The following WWC2 variants were observed in gnomAD, a reference collection of about 807,000 sequenced individuals.
The protein encoded by WWC2 is protein WWC2.
WWC2 carries 101 observed loss-of-function variants against 138.5 expected under a neutral mutation model. The observed-to-expected ratio is 0.73, with a 90% confidence interval of 0.62 to 0.86. The LOEUF (loss-of-function observed/expected upper bound fraction) is 0.86. Among genes scored for constraint, WWC2 ranks in the 40% least tolerant of loss-of-function variants. WWC2 has a pLI of 0.00. For synonymous variants in WWC2, 558 were observed against 538.4 expected (o/e 1.04, Z -0.50); for missense variants, 1,420 against 1,419.4 (o/e 1.00, Z -0.01).
chr4:183,127,318 A>G (rs920318303), intron 1 of WWC2, among the ~76,000 whole-genome samples: 5 of 152,244 alleles, frequency 3.3e-5, no homozygotes, highest in Non-Finnish European at 7.3e-5. Context: ...ATTAATAAAA[A>G]TTCATGTTCA....
At position 183,285,996 on chromosome 4, in the gene WWC2, C is replaced by G. The variant is rs149012864; in HGVS notation, c.3078C>G (p.Thr1026=). 1 of 1,595,108 alleles carries G rather than the reference C, an allele frequency of 6.3e-7. No homozygotes were observed. The highest frequency in any genetic ancestry group is 8.5e-7 in the Non-Finnish European group (1 of 1,169,710). ...ATCGGAGTGACAGTGACAGTTCAAC[C>G]CTGGCTAAAAAATCACTGTTTGTGA... ...RLNRSDSDSS[T]LAKKSLFVRN... Residue 1026 remains threonine (T), a synonymous_variant, in exon 20 of 23, where the codon ACC becomes ACG. Coordinates refer to ENST00000403733, the MANE Select transcript of WWC2 (RefSeq NM_024949.6).
intron 21 of WWC2, among the ~76,000 whole-genome samples, chr4:183,311,492 G>T (rs1296226448): frequency 6.6e-6 from 1 of 152,086 alleles, no homozygotes; most frequent in African/African-American, 2.4e-5. Context: ...GGGAAGGGCA[G>T]GAGTGTTCTC....
chr4:183,319,660 C>G lies in WWC2; in HGVS notation c.*3931C>G. ...GCTAGGGGAGCGTGGCTGGAGCAGG[C>G]TGCACAGTGGAGCAGACACCCTCCT... is the stretch of plus-strand genomic sequence containing the variant. On this transcript the variant is annotated 3_prime_UTR_variant, in exon 23 of 23. Transcript: ENST00000403733. 4 of 1,614,148 alleles carry G rather than the reference C, an allele frequency of 2.5e-6. No homozygotes were observed. The highest frequency in any genetic ancestry group is 3.4e-6 in the Non-Finnish European group (4 of 1,180,036).
In WWC2 at chr4:183,317,001, G is replaced by A. The variant is rs1739461357; in HGVS notation, c.*1272G>A. ...CTTCTTAAAAACACAGATCCTCAGTGCAGCTCTGCCAGCATCAAGGCTTTT... is the reference window on the plus strand; with the variant it reads ...CTTCTTAAAAACACAGATCCTCAGTACAGCTCTGCCAGCATCAAGGCTTTT... On this transcript the variant is annotated 3_prime_UTR_variant, in exon 23 of 23. Transcript: ENST00000403733. 1 of 152,120 alleles carries A rather than the reference G, an allele frequency of 6.6e-6. No homozygotes were observed. The highest frequency in any genetic ancestry group is 1.5e-5 in the Non-Finnish European group (1 of 68,024). The allele number at this position is 152,120 out of a possible 1,614,324, so 9.4% of individuals were successfully genotyped here.
At chr4:183,182,710 A>G (rs1734670143) in intron 1 of WWC2, among the ~76,000 whole-genome samples, 1 of 152,250 alleles carries the variant, frequency 6.6e-6, no homozygotes, top group South Asian at 2.1e-4. Flanking sequence ...ACAGAATGTA[A>G]TAATAGCAAA....
chr4:183,250,878 T>C (rs1736958860), intron 8 of WWC2, among the ~76,000 whole-genome samples: 1 of 152,212 alleles, frequency 6.6e-6, no homozygotes, highest in Non-Finnish European at 1.5e-5. Flanking sequence ...ATATTCCTTA[T>C]TATTGGTGAT....
Position 183,209,005 on chromosome 4 carries a change from A to G in WWC2, c.502A>G (p.Ile168Val), listed in dbSNP as rs756705464. 3.8e-6 allele frequency: 6 copies of G among 1,573,064 alleles called. No individual in the cohort carries two copies. In the South Asian group the frequency reaches 7.0e-5, roughly 18 times the overall value. ...KYDPDILKAE[I>V]STTRLRVKKL... ...TGATCCCGATATTTTAAAAGCTGAG[A>G]TCTCCACTACAAGATTAAGGGTAAG... The change falls in exon 4 of 23, where the codon ATC becomes GTC. Residue 168 changes from isoleucine (I) to valine (V), a missense_variant. Physicochemically the swap from Ile to Val is conservative, Grantham distance 29. Coordinates refer to ENST00000403733, the MANE Select transcript of WWC2 (RefSeq NM_024949.6).
chr4:183,225,606 C>T (rs1195505631), intron 4 of WWC2, among the ~76,000 whole-genome samples: 1 of 152,150 alleles, frequency 6.6e-6, no homozygotes, highest in Non-Finnish European at 1.5e-5. Context: ...CAAAGCCAAC[C>T]TGCTGGTAAG....
At chr4:183,301,371 CAA>C (rs1738835337) in intron 21 of WWC2, among the ~76,000 whole-genome samples, 1 of 152,016 alleles carries the variant, frequency 6.6e-6, no homozygotes, top group Non-Finnish European at 1.5e-5. Flanking sequence ...ACAAAGTAAT[CAA>C]GAGAGAACTG....
chr4:183,173,885 T>C (rs1734370609), intron 1 of WWC2, among the ~76,000 whole-genome samples: 1 of 152,154 alleles, frequency 6.6e-6, no homozygotes, highest in African/African-American at 2.4e-5. Context: ...TATTTAAGAA[T>C]GAGGCACAAA....
At position 183,261,253 on chromosome 4, in the gene WWC2, G is replaced by A; in HGVS notation, c.1630G>A (p.Ala544Thr). ...PPLAEAPKSVASLSSRSSLSS... is the reference protein window; with the variant it reads ...PPLAEAPKSVTSLSSRSSLSS... ...ACTGGCTGAGGCCCCGAAGTCTGTGGCCTCCCTGTCCTCGAGGTCCTCCCT... is the reference window on the plus strand; with the variant it reads ...ACTGGCTGAGGCCCCGAAGTCTGTGACCTCCCTGTCCTCGAGGTCCTCCCT... Residue 544 changes from alanine to threonine, a missense_variant, in exon 11 of 23, where the codon GCC becomes ACC. Ala to Thr is a moderately conservative substitution (Grantham distance 58). Transcript: ENST00000403733. 1 of 1,613,042 alleles carries A rather than the reference G, an allele frequency of 6.2e-7. No individual in the cohort carries two copies. The highest frequency in any genetic ancestry group is 8.5e-7 in the Non-Finnish European group (1 of 1,179,556).
At chr4:183,302,631 G>A (rs1231604230) in intron 21 of WWC2, among the ~76,000 whole-genome samples, 1 of 152,170 alleles carries the variant, frequency 6.6e-6, no homozygotes, top group Non-Finnish European at 1.5e-5. Flanking sequence ...GAACAGGAAA[G>A]TTACCCTGTA....
At chr4:183,279,036 A>C (rs528650186) in intron 16 of WWC2, among the ~76,000 whole-genome samples, 12,995 of 151,916 alleles carry the variant, frequency 0.086, 723 homozygotes, top group South Asian at 0.17. Flanking sequence ...GTGGTGAGAG[A>C]GGGCATCCCT....
intron 1 of WWC2, among the ~76,000 whole-genome samples, chr4:183,139,060 G>C (rs1733210675): frequency 6.6e-6 from 1 of 152,162 alleles, no homozygotes; most frequent in Non-Finnish European, 1.5e-5. Context: ...GTTTGTATCA[G>C]TAACATATTA....
Position 183,099,417 on chromosome 4 carries a change from C to T in WWC2, c.-75C>T, listed in dbSNP as rs1743082230. 3 of 1,181,504 alleles carry T rather than the reference C, an allele frequency of 2.5e-6. No homozygotes were observed. The highest frequency in any genetic ancestry group is 1.6e-5 in the African/African-American group (1 of 61,818). The allele number at this position is 1,181,504 out of a possible 1,614,324, so 73.2% of individuals were successfully genotyped here. On this transcript the variant is annotated 5_prime_UTR_variant, in exon 1 of 23. Coordinates refer to ENST00000403733, the MANE Select transcript of WWC2 (RefSeq NM_024949.6). ...CCCGCGTCGCGGGTTGGCAGCCTAG[C>T]CCGGCAGCCGCGTTCCCGCCGCGTC...
rs542971165 is a variant in WWC2, at chr4:183,277,131, T to TC, written c.2563-3639dup. On this transcript the variant is annotated intron_variant, in intron 16 of 22. Coordinates refer to ENST00000403733, the MANE Select transcript of WWC2 (RefSeq NM_024949.6). Reference sequence around the variant, plus strand: ...ATCTCCCAATGCTATCCCTCCTCCCTCCCCCCTCCCCACAACAGTCCCCAG... The same window carrying TC: ...ATCTCCCAATGCTATCCCTCCTCCCTCCCCCCCTCCCCACAACAGTCCCCAG... Among the ~76,000 whole-genome samples, 4 of 105,264 alleles carry TC rather than the reference T, an allele frequency of 3.8e-5. No individual in the cohort carries two copies. In the East Asian group the frequency reaches 1.0e-3, roughly 26 times the overall value. 69.1% of individuals were successfully genotyped at this position (105,264 alleles called of 152,430 possible).
intron 1 of WWC2, among the ~76,000 whole-genome samples, chr4:183,116,866 A>G (rs1358812529): frequency 2.0e-5 from 3 of 152,332 alleles, no homozygotes; most frequent in Admixed American, 6.5e-5. Context: ...CTGCCTTGCA[A>G]GATACCCAGT....
At chr4:183,114,740 A>G (rs1019346805) in intron 1 of WWC2, among the ~76,000 whole-genome samples, 7 of 151,428 alleles carry the variant, frequency 4.6e-5, no homozygotes, top group Non-Finnish European at 1.0e-4. Flanking sequence ...GTGGGTAGAT[A>G]GTGTGTTGCG....
intron 1 of WWC2, among the ~76,000 whole-genome samples, chr4:183,139,916 A>G (rs1733246071): frequency 6.6e-6 from 1 of 152,154 alleles, no homozygotes; most frequent in Admixed American, 6.5e-5. Flanking sequence ...GGGTGCAAGC[A>G]ATCCTCCTGC....
Sources: gnomAD v4.1 joint callset for allele counts (sites outside exome capture counted in the v4.1 genomes callset) on GRCh38, gnomAD v4.1.1 for gene constraint, MANE v1.5 for transcripts, NCBI Gene and HGNC (gene_info 2026-07-23, HGNC 2026-07-21) for gene names.